The following ADARB2 variants were observed in gnomAD, a reference collection of about 807,000 sequenced individuals.
ADARB2 encodes adenosine deaminase RNA specific B2 (inactive), also known as inactive double-stranded RNA-specific editase B2.
Under a neutral mutation model 62.2 loss-of-function variants are expected in ADARB2, and 25 were observed. That is an observed-to-expected ratio of 0.40 (90% CI 0.29 to 0.56). The LOEUF (loss-of-function observed/expected upper bound fraction) is 0.56, where lower values mean the gene tolerates loss of function less well. Among genes scored for constraint, ADARB2 ranks in the 20% least tolerant of loss-of-function variants. The pLI, the probability that ADARB2 is intolerant of heterozygous loss-of-function variation, is 0.43. For missense variants in ADARB2, 1,071 were observed against 1,077.4 expected (o/e 0.99, Z 0.08); for synonymous variants, 572 against 500.8 (o/e 1.14, Z -1.90).
chr10:1,332,123 G>A (rs962934430), intron 3 of ADARB2, among the ~76,000 whole-genome samples: 1 of 152,248 alleles, frequency 6.6e-6, no homozygotes, highest in Non-Finnish European at 1.5e-5. Flanking sequence ...GGACACACTT[G>A]CTGGGTGTGG....
At chr10:1,638,058 C>T (rs182815167) in intron 1 of ADARB2, among the ~76,000 whole-genome samples, 5 of 152,282 alleles carry the variant, frequency 3.3e-5, no homozygotes, top group African/African-American at 1.2e-4. Context: ...CTGTTTTCCA[C>T]ATGGAGGAAA....
chr10:1,194,305 C>T (rs972210263), intron 8 of ADARB2, among the ~76,000 whole-genome samples: 1 of 152,184 alleles, frequency 6.6e-6, no homozygotes, highest in Non-Finnish European at 1.5e-5. Context: ...AGCAAAGACT[C>T]AGGTTCTGTG....
At chr10:1,461,431 T>G (rs1831173399) in intron 1 of ADARB2, among the ~76,000 whole-genome samples, 1 of 152,210 alleles carries the variant, frequency 6.6e-6, no homozygotes, top group African/African-American at 2.4e-5. Flanking sequence ...CTTTTATCAT[T>G]GACTTGGATG....
At chr10:1,473,130 C>G (rs1407204858) in intron 1 of ADARB2, among the ~76,000 whole-genome samples, 1 of 152,278 alleles carries the variant, frequency 6.6e-6, no homozygotes, top group African/African-American at 2.4e-5. Context: ...GGTCAAACCA[C>G]GCACCCGTCC....
intron 1 of ADARB2, among the ~76,000 whole-genome samples, chr10:1,389,253 T>C (rs1469857416): frequency 3.9e-5 from 6 of 152,148 alleles, no homozygotes; most frequent in Admixed American, 6.5e-5. Flanking sequence ...AGCTAGGAGA[T>C]AGAAAGCACT....
At chr10:1,254,109 T>G (rs1359870387) in intron 4 of ADARB2, among the ~76,000 whole-genome samples, 4 of 150,460 alleles carry the variant, frequency 2.7e-5, no homozygotes, top group African/African-American at 9.8e-5. Flanking sequence ...AGGATGCAGT[T>G]GACTCTGGTT....
intron 1 of ADARB2, among the ~76,000 whole-genome samples, chr10:1,498,680 CCAATA>C (rs1287154706): frequency 1.3e-5 from 2 of 152,048 alleles, no homozygotes; most frequent in African/African-American, 4.8e-5. Context: ...ATGAATTTCA[CCAATA>C]CAATGGTGAA....
intron 1 of ADARB2, among the ~76,000 whole-genome samples, chr10:1,659,115 C>G (rs1564360614): frequency 1.4e-5 from 2 of 146,674 alleles, no homozygotes; most frequent in Admixed American, 1.4e-4. Flanking sequence ...CTTCAAATAA[C>G]TGCTCAGCTA....
At chr10:1,469,848 G>A (rs1045781275) in intron 1 of ADARB2, among the ~76,000 whole-genome samples, 2 of 152,200 alleles carry the variant, frequency 1.3e-5, no homozygotes, top group East Asian at 3.9e-4. Context: ...CAGGGGAAGT[G>A]GATTTCAAAA....
At position 1,533,115 on chromosome 10, in the gene ADARB2, T is replaced by C. The variant is rs889541544; in HGVS notation, c.101-153955A>G. Among the ~76,000 whole-genome samples, 19 of 89,924 alleles carry C rather than the reference T, an allele frequency of 2.1e-4. No individual in the cohort carries two copies. The South Asian group carries it at 2.8e-3, about 13-fold the overall frequency. 59.0% of individuals were successfully genotyped at this position (89,924 alleles called of 152,430 possible). A position where few individuals can be genotyped will look rare whatever the true frequency, so the allele number is the denominator to read the frequency against. ...CTGATTACTGTCTCTAGTGTAAACATCACCTTTTTTTTTTTTTTTCTGAGA... is the reference window on the plus strand; with the variant it reads ...CTGATTACTGTCTCTAGTGTAAACACCACCTTTTTTTTTTTTTTTCTGAGA... On this transcript the variant is annotated intron_variant, in intron 1 of 9. Transcript: ENST00000381312.
At chr10:1,510,160 CTTTCTTTCTT>C (rs1564312655) in intron 1 of ADARB2, among the ~76,000 whole-genome samples, 17 of 112,510 alleles carry the variant, frequency 1.5e-4, no homozygotes, top group African/African-American at 4.5e-4. Flanking sequence ...TTCTTTCTTT[CTTTCTTTCTT>C]TTTCTTTCTT....
chr10:1,525,552 G>T (rs1431356360), intron 1 of ADARB2, among the ~76,000 whole-genome samples: 1 of 152,082 alleles, frequency 6.6e-6, no homozygotes, highest in African/African-American at 2.4e-5. Context: ...TCAGCAGCCC[G>T]ACGCTGGTGG....
At chr10:1,254,136 C>T (rs923321217) in intron 4 of ADARB2, among the ~76,000 whole-genome samples, 4 of 144,574 alleles carry the variant, frequency 2.8e-5, no homozygotes, top group African/African-American at 1.0e-4. Context: ...CAGTGGATTC[C>T]GTGGTTAGAA....
intron 3 of ADARB2, among the ~76,000 whole-genome samples, chr10:1,344,004 A>G (rs1184898926): frequency 6.6e-6 from 1 of 152,192 alleles, no homozygotes; most frequent in African/African-American, 2.4e-5. Flanking sequence ...AAACCTGCAC[A>G]TGTACCCTTG....
chr10:1,293,919 T>G (rs955320051), intron 3 of ADARB2, among the ~76,000 whole-genome samples: 1 of 151,878 alleles, frequency 6.6e-6, no homozygotes, highest in African/African-American at 2.4e-5. Flanking sequence ...GGCAGGGCAA[T>G]GTCTTTCTCG....
intron 1 of ADARB2, among the ~76,000 whole-genome samples, chr10:1,417,916 A>G (rs568597032): frequency 2.0e-5 from 3 of 152,366 alleles, no homozygotes; most frequent in South Asian, 4.1e-4. Flanking sequence ...GCCAGGGTGC[A>G]TGGGGAAAAT....
chr10:1,633,554 ATC>A (rs1564353001), intron 1 of ADARB2, among the ~76,000 whole-genome samples: 2,218 of 71,060 alleles, frequency 0.031, 33 homozygotes, highest in South Asian at 0.12. Flanking sequence ...TCTATCATCT[ATC>A]TATCTATCTA....
At chr10:1,425,336 G>A (rs1832885540) in intron 1 of ADARB2, among the ~76,000 whole-genome samples, 1 of 152,108 alleles carries the variant, frequency 6.6e-6, no homozygotes, top group African/African-American at 2.4e-5. Context: ...CATTTATTTG[G>A]GTTTTTGTTT....
intron 6 of ADARB2, among the ~76,000 whole-genome samples, chr10:1,219,350 T>A (rs1304803917): frequency 6.6e-6 from 1 of 152,264 alleles, no homozygotes; most frequent in East Asian, 1.9e-4. Context: ...TCCCAAGTAA[T>A]TTCCAGTGTA....
Sources: allele counts gnomAD v4.1 joint callset (sites outside exome capture counted in the v4.1 genomes callset), GRCh38; gene constraint gnomAD v4.1.1; transcripts MANE v1.5; gene names NCBI Gene and HGNC (gene_info 2026-07-23, HGNC 2026-07-21).